Variants in CHN1 observed in about 807,000 individuals in gnomAD.
CHN1 encodes N-chimaerin.
Under a neutral mutation model 59.5 loss-of-function variants are expected in CHN1, and 37 were observed. That is an observed-to-expected ratio of 0.62 (90% CI 0.48 to 0.82). CHN1 has a LOEUF of 0.82. Ranked by LOEUF, CHN1 falls within the 40% of genes least tolerant of loss-of-function variation. CHN1 has a pLI of 0.00. For synonymous variants in CHN1, 206 were observed against 200.4 expected (o/e 1.03, Z -0.24); for missense variants, 469 against 571.0 (o/e 0.82, Z 1.82).
At chr2:175,001,840 G>C (rs1395223106) in intron 1 of CHN1, among the ~76,000 whole-genome samples, 2 of 152,168 alleles carry the variant, frequency 1.3e-5, no homozygotes, top group African/African-American at 4.8e-5. Flanking sequence ...CTATTGGTGT[G>C]GCCAATCAGG....
At chr2:174,855,897 A>T (rs1015363742) in intron 6 of CHN1, among the ~76,000 whole-genome samples, 7 of 152,182 alleles carry the variant, frequency 4.6e-5, no homozygotes, top group African/African-American at 7.2e-5. Flanking sequence ...GATGAAAGTA[A>T]GACTTGAATC....
chr2:174,805,750 C>A (rs1486418442), intron 11 of CHN1, among the ~76,000 whole-genome samples: 1 of 152,194 alleles, frequency 6.6e-6, no homozygotes, highest in Non-Finnish European at 1.5e-5. Context: ...GTTAATTTTA[C>A]ACAGAGAAAC....
At chr2:175,003,327 G>C (rs544367329) in intron 1 of CHN1, among the ~76,000 whole-genome samples, 6 of 152,320 alleles carry the variant, frequency 3.9e-5, no homozygotes, top group African/African-American at 1.4e-4. Context: ...AAGGCTGGGA[G>C]TGATTTCTTA....
intron 5 of CHN1, among the ~76,000 whole-genome samples, chr2:174,894,428 T>C (rs1186046613): frequency 6.6e-6 from 1 of 151,904 alleles, no homozygotes; most frequent in East Asian, 1.9e-4. Context: ...GAGATATCAC[T>C]CCATGCCCAT....
chr2:174,912,196 A>T (rs903357634), intron 5 of CHN1, among the ~76,000 whole-genome samples: 11 of 152,366 alleles, frequency 7.2e-5, no homozygotes, highest in Middle Eastern at 3.4e-3. Context: ...ACTAAAGTTA[A>T]TTTCAAAAGC....
At chr2:174,939,033 A>G (rs918690548) in intron 3 of CHN1, among the ~76,000 whole-genome samples, 3 of 152,158 alleles carry the variant, frequency 2.0e-5, no homozygotes, top group Non-Finnish European at 2.9e-5. Context: ...CAATTGTACA[A>G]TTTGCTTTTC....
chr2:174,967,489 T>C (rs1690628816), intron 1 of CHN1, among the ~76,000 whole-genome samples: 1 of 152,226 alleles, frequency 6.6e-6, no homozygotes, highest in Non-Finnish European at 1.5e-5. Flanking sequence ...TTTTCCAATG[T>C]TCGTGTTCCA....
At chr2:174,993,792 C>T (rs1046248262) in intron 1 of CHN1, among the ~76,000 whole-genome samples, 1 of 152,134 alleles carries the variant, frequency 6.6e-6, no homozygotes, top group South Asian at 2.1e-4. Context: ...TTGTAAATTG[C>T]CTCAAATTCT....
At chr2:174,972,026 A>G (rs1384982006) in intron 1 of CHN1, among the ~76,000 whole-genome samples, 1 of 152,298 alleles carries the variant, frequency 6.6e-6, no homozygotes, top group Middle Eastern at 3.4e-3. Context: ...GGGCCCGACA[A>G]CTATCACTAG....
At chr2:174,907,190 C>A (rs80341297) in intron 5 of CHN1, among the ~76,000 whole-genome samples, 6,292 of 152,160 alleles carry the variant, frequency 0.041, 459 homozygotes, top group African/African-American at 0.14. Flanking sequence ...TTGAATGGAA[C>A]ATTTCTCAAA....
chr2:174,920,660 T>C (rs906890316), intron 3 of CHN1, among the ~76,000 whole-genome samples: 9 of 152,192 alleles, frequency 5.9e-5, no homozygotes, highest in Admixed American at 1.3e-4. Context: ...ACTCACAGCA[T>C]AGAAAAACTT....
chr2:174,881,141 G>A lies in CHN1; in HGVS notation c.261-3013C>T, dbSNP rs1055493246. ...CTTATGTAGAAAGATTCTGTAAAGTGATTCACAAAACCAAGTGAATCCAGT... is the reference window on the plus strand; with the variant it reads ...CTTATGTAGAAAGATTCTGTAAAGTAATTCACAAAACCAAGTGAATCCAGT... On this transcript the variant is annotated intron_variant, in intron 5 of 12. Coordinates refer to ENST00000409900, the MANE Select transcript of CHN1 (RefSeq NM_001822.7). Among the ~76,000 whole-genome samples the A allele has an allele frequency of 4.0e-5, 6 of 151,804 alleles. No homozygotes were observed. The East Asian group carries it at 1.2e-3, about 29-fold the overall frequency.
chr2:174,878,103 T>C lies in CHN1; in HGVS notation c.286A>G (p.Arg96Gly). ...AAGTGCTTGCCATCGTAGTAGAGCC[T>C]GAAGTTTCTGGTTTGACTTCCAAAT... ...LRFGSQTRNFRLYYDGKHFVG... is the reference protein window; with the variant it reads ...LRFGSQTRNFGLYYDGKHFVG... Residue 96 changes from arginine (R) to glycine (G), a missense_variant, in exon 6 of 13, where the codon AGG becomes GGG. By Grantham distance (125) the Arg-to-Gly change is moderately radical. Coordinates refer to ENST00000409900, the MANE Select transcript of CHN1 (RefSeq NM_001822.7). 1 of 1,550,380 alleles carries C rather than the reference T, an allele frequency of 6.5e-7. No individual in the cohort carries two copies. The highest frequency in any genetic ancestry group is 8.8e-7 in the Non-Finnish European group (1 of 1,141,646).
intron 1 of CHN1, 22 bp downstream of exon 1, chr2:175,004,872 G>T: frequency 1.4e-6 from 2 of 1,390,214 alleles, no homozygotes. Flanking sequence ...CTGCGGCGGC[G>T]CGGGGAGACG....
chr2:174,800,001 C>T lies in CHN1; in HGVS notation c.*115G>A. 1.0e-6 allele frequency: 1 copy of T among 997,056 alleles called. No individual in the cohort carries two copies. Among genetic ancestry groups the T allele is most frequent in the Non-Finnish European group, 1.5e-6 (1 of 655,108 alleles). 61.8% of individuals were successfully genotyped at this position (997,056 alleles called of 1,614,324 possible). On this transcript the variant is annotated 3_prime_UTR_variant, in exon 13 of 13. Transcript: ENST00000409900. ...CAACAGAAAGTTCCTTCACTTTAATCTGGTTATATGCCCAAACCTCTAATC... is the reference window on the plus strand; with the variant it reads ...CAACAGAAAGTTCCTTCACTTTAATTTGGTTATATGCCCAAACCTCTAATC...
At chr2:174,811,313 T>G in intron 10 of CHN1, 198 bp downstream of exon 10, 1 of 501,470 alleles carries the variant, frequency 2.0e-6, no homozygotes, top group Admixed American at 3.6e-5. Flanking sequence ...AATTTTATAC[T>G]TCTTTCATAT....
intron 5 of CHN1, among the ~76,000 whole-genome samples, chr2:174,878,701 A>G (rs982568563): frequency 2.6e-5 from 4 of 152,244 alleles, no homozygotes; most frequent in African/African-American, 9.6e-5. Context: ...TTCTGGCCAC[A>G]GGCCAAGGAC....
chr2:174,930,424 G>A (rs1283449458), intron 3 of CHN1, among the ~76,000 whole-genome samples: 2 of 152,156 alleles, frequency 1.3e-5, no homozygotes, highest in African/African-American at 4.8e-5. Flanking sequence ...ACTTTATTAC[G>A]GCTCAGGGTG....
intron 3 of CHN1, 82 bp from the exon 4 acceptor site, chr2:174,918,647 A>G: frequency 1.8e-6 from 2 of 1,127,262 alleles, no homozygotes; most frequent in Non-Finnish European, 2.5e-6. Context: ...GCATGTGACA[A>G]AGTAAAGCAT....
Sources: allele counts gnomAD v4.1 joint callset (sites outside exome capture counted in the v4.1 genomes callset), GRCh38; gene constraint gnomAD v4.1.1; transcripts MANE v1.5; gene names NCBI Gene and HGNC (gene_info 2026-07-23, HGNC 2026-07-21).